Variants in SLC34A2 observed in about 807,000 individuals in gnomAD.
SLC34A2 encodes the protein solute carrier family 34 member 2, also known as sodium-dependent phosphate transport protein 2B.
A neutral mutation model predicts 50.8 loss-of-function variants in SLC34A2; 41 were observed. The ratio of observed to expected loss-of-function variants is 0.81; its 90% CI spans 0.63 to 1.05. The LOEUF is 1.05. SLC34A2 is among the 50% of genes least tolerant of loss of function. SLC34A2 has a pLI of 0.00. For missense variants in SLC34A2, 879 were observed against 876.7 expected, an observed-to-expected ratio of 1.00 and a Z score of -0.03; for synonymous variants, 401 against 364.2, an observed-to-expected ratio of 1.10 and a Z score of -1.15.
At chr4:25,663,276 G>T (rs1401928552) in intron 3 of SLC34A2, among the ~76,000 whole-genome samples, 3 of 152,142 alleles carry the variant, frequency 2.0e-5, no homozygotes, top group Non-Finnish European at 4.4e-5. Flanking sequence ...TTGAGGTAGA[G>T]TCAAAGCATG....
rs183223085 is a variant in SLC34A2, at chr4:25,658,607, C to T, written c.-4+2717C>T. Reference sequence around the variant, plus strand: ...TAAGAGCTCTTTCTGGCAGTGGGTGCCCATGTGGTGCAGGAAGTGGAGCCA... The same window carrying T: ...TAAGAGCTCTTTCTGGCAGTGGGTGTCCATGTGGTGCAGGAAGTGGAGCCA... On this transcript the variant is annotated intron_variant, in intron 1 of 12. Coordinates refer to ENST00000382051, the MANE Select transcript of SLC34A2 (RefSeq NM_006424.3). 5.2e-3 allele frequency among the ~76,000 whole-genome samples: 795 copies of T among 152,292 alleles called. 3 individuals are homozygous for T. The highest frequency in any genetic ancestry group is 0.017 in the Middle Eastern group (5 of 294).
chr4:25,663,784 C>A (rs561699085), intron 3 of SLC34A2, among the ~76,000 whole-genome samples: 1 of 152,296 alleles, frequency 6.6e-6, no homozygotes, highest in Admixed American at 6.5e-5. Flanking sequence ...TGTGCAGCTG[C>A]ATTCTAGAAA....
At position 25,666,210 on chromosome 4, in the gene SLC34A2, C is replaced by G; in HGVS notation, c.462C>G (p.Thr154=). 1.2e-6 allele frequency: 2 copies of G among 1,614,030 alleles called. No individual in the cohort carries two copies. Among genetic ancestry groups the G allele is most frequent in the Non-Finnish European group, 1.7e-6 (2 of 1,180,040 alleles). The change falls in exon 5 of 13, where the codon ACC becomes ACG. Residue 154 remains threonine (T), a synonymous_variant. Coordinates refer to ENST00000382051, the MANE Select transcript of SLC34A2 (RefSeq NM_006424.3). ...GGCTGGTGATCGGGGTGCTGGTGAC[C>G]GTCTTGGTGCAGAGCTCCAGCACCT... The part of the protein sequence containing the change: ...LLGLVIGVLV[T]VLVQSSSTST...
Position 25,676,998 on chromosome 4 carries a change from T to C in SLC34A2, c.*249T>C, listed in dbSNP as rs1715172762. The C allele has an allele frequency of 3.6e-6, 2 of 551,320 alleles. No individual in the cohort carries two copies. Among genetic ancestry groups the C allele is most frequent in the Non-Finnish European group, 3.2e-6 (1 of 309,758 alleles). 34.2% of individuals were successfully genotyped at this position (551,320 alleles called of 1,614,324 possible). ...GGCACAGGATGGTACCTAAAGAGAA[T>C]TAGAGAATGAACCTGGCGGGACGGA... is the stretch of plus-strand genomic sequence containing the variant. On this transcript the variant is annotated 3_prime_UTR_variant, in exon 13 of 13. Coordinates refer to ENST00000382051, the MANE Select transcript of SLC34A2 (RefSeq NM_006424.3).
In SLC34A2 at chr4:25,676,364, T is replaced by C; in HGVS notation, c.1688T>C (p.Val563Ala). The C allele has an allele frequency of 1.9e-6, 3 of 1,614,162 alleles. No individual in the cohort carries two copies. Among genetic ancestry groups the C allele is most frequent in the Non-Finnish European group, 2.5e-6 (3 of 1,180,038 alleles). The change falls in exon 13 of 13, where the codon GTC becomes GCC. Residue 563 changes from valine to alanine, a missense_variant. Physicochemically the swap from Val to Ala is moderately conservative, Grantham distance 64 (BLOSUM62 0). Coordinates refer to ENST00000382051, the MANE Select transcript of SLC34A2 (RefSeq NM_006424.3). ...CTGGTTGGTGTCGGGGTTCCCGTCG[T>C]CTTCATCATCATCCTGGTACTGTGC... ...RVLVGVGVPV[V>A]FIIILVLCLR... is the part of the protein sequence containing the mutation.
chr4:25,669,140 T>C (rs752826035), intron 6 of SLC34A2, among the ~76,000 whole-genome samples: 17 of 152,196 alleles, frequency 1.1e-4, no homozygotes, highest in Non-Finnish European at 2.4e-4. Context: ...AATTTTTTTA[T>C]TGATACAAAA....
intron 12 of SLC34A2, 89 bp from the exon 13 acceptor site, chr4:25,676,046 T>G: frequency 6.4e-7 from 1 of 1,567,346 alleles, no homozygotes; most frequent in Non-Finnish European, 8.6e-7. Flanking sequence ...CTGCCTGTGA[T>G]GCCTGCTAGC....
In SLC34A2 at chr4:25,673,254, G is replaced by A. The variant is rs764129224; in HGVS notation, c.1216G>A (p.Asp406Asn). The change falls in exon 10 of 13, where the codon GAT (aspartate) becomes AAT (asparagine). Residue 406 changes from aspartate to asparagine, a missense_variant and splice_region_variant. By Grantham distance (23) the Asp-to-Asn change is conservative. Coordinates refer to ENST00000382051, the MANE Select transcript of SLC34A2 (RefSeq NM_006424.3). ...ATVIKKTINT[D>N]FPFPFAWLTG... is the part of the protein sequence containing the mutation. ...TGTCATCAAGAAGACCATCAACACT[G>A]GTAGGTACACTGCCCTCACTTGTAG... 4.4e-6 allele frequency: 7 copies of A among 1,608,496 alleles called. No homozygotes were observed. Among genetic ancestry groups the A allele is most frequent in the Middle Eastern group, 1.8e-4 (1 of 5,656 alleles).
chr4:25,676,964 C>T lies in SLC34A2; in HGVS notation c.*215C>T, dbSNP rs1302198127. On this transcript the variant is annotated 3_prime_UTR_variant, in exon 13 of 13. Coordinates refer to ENST00000382051, the MANE Select transcript of SLC34A2 (RefSeq NM_006424.3). ...CCCCTGGTCACTCAGTAATCTTTTA[C>T]TCCAGGAAGGCACAGGATGGTACCT... 6 of 619,600 alleles carry T rather than the reference C, an allele frequency of 9.7e-6. No homozygotes were observed. The highest frequency in any genetic ancestry group is 5.6e-5 in the Admixed American group (2 of 35,820). The allele number at this position is 619,600 out of a possible 1,614,324, so 38.4% of individuals were successfully genotyped here. A position where few individuals can be genotyped will look rare whatever the true frequency, so the allele number is the denominator to read the frequency against.
In SLC34A2 at chr4:25,670,786, A is replaced by G; in HGVS notation, c.880A>G (p.Lys294Glu). 6.2e-7 allele frequency: 1 copy of G among 1,614,154 alleles called. No homozygotes were observed. Among genetic ancestry groups the G allele is most frequent in the African/African-American group, 1.3e-5 (1 of 75,072 alleles). The change falls in exon 8 of 13, where the codon AAA (lysine) becomes GAA (glutamate). Residue 294 changes from lysine (K) to glutamate (E), a missense_variant. Physicochemically the swap from Lys to Glu is moderately conservative, Grantham distance 56 (BLOSUM62 1). Coordinates refer to ENST00000382051, the MANE Select transcript of SLC34A2 (RefSeq NM_006424.3). Reference sequence around the variant, plus strand: ...AATTGCAATGAACGATGAAAAAGCGAAAAACAAGAGTCTTGTCAAGATTTG... The same window carrying G: ...AATTGCAATGAACGATGAAAAAGCGGAAAACAAGAGTCTTGTCAAGATTTG... ...SQIAMNDEKA[K>E]NKSLVKIWCK...
chr4:25,657,873 G>T (rs941646188), intron 1 of SLC34A2, among the ~76,000 whole-genome samples: 4 of 152,310 alleles, frequency 2.6e-5, no homozygotes, highest in Middle Eastern at 3.4e-3. Context: ...GATTATAGGT[G>T]TGAGCCACCA....
At chr4:25,668,461 G>T (rs1714623652) in intron 6 of SLC34A2, among the ~76,000 whole-genome samples, 2 of 152,064 alleles carry the variant, frequency 1.3e-5, no homozygotes, top group African/African-American at 4.8e-5. Context: ...GGCCAACATG[G>T]TGAAACCCCA....
chr4:25,676,271 A>C lies in SLC34A2; in HGVS notation c.1595A>C (p.Tyr532Ser), dbSNP rs758507678. 1.2e-6 allele frequency: 2 copies of C among 1,614,126 alleles called. No individual in the cohort carries two copies. Among genetic ancestry groups the C allele is most frequent in the South Asian group, 2.2e-5 (2 of 91,080 alleles). Residue 532 changes from tyrosine (Y) to serine (S), a missense_variant, in exon 13 of 13, where the codon TAC becomes TCC. Tyr to Ser is a moderately radical substitution (Grantham distance 144). Coordinates refer to ENST00000382051, the MANE Select transcript of SLC34A2 (RefSeq NM_006424.3). ...AAGTATCGCTGGTTCGCCGTCTTCT[A>C]CCTGATCATCTTCTTCTTCCTGATC... ...SAKYRWFAVF[Y>S]LIIFFFLIPL...
At chr4:25,663,025 A>G (rs1382622756) in intron 3 of SLC34A2, among the ~76,000 whole-genome samples, 183 bp downstream of exon 3, 1 of 151,414 alleles carries the variant, frequency 6.6e-6, no homozygotes, top group Non-Finnish European at 1.5e-5. Context: ...CCCAGGCTGG[A>G]GTGCAGTGGT....
At chr4:25,674,232 CCCCAGG>C (rs1433162475) in intron 10 of SLC34A2, 58 bp from the exon 11 acceptor site, 58 of 1,272,454 alleles carry the variant, frequency 4.6e-5, no homozygotes, top group Non-Finnish European at 6.2e-5. Flanking sequence ...CCAGCCCCTA[CCCCAGG>C]CCACCAGGCC....
At chr4:25,663,636 G>T (rs759690925) in intron 3 of SLC34A2, among the ~76,000 whole-genome samples, 2 of 152,108 alleles carry the variant, frequency 1.3e-5, no homozygotes, top group Non-Finnish European at 2.9e-5. Flanking sequence ...GGGTGGGGAG[G>T]AGAGGTAGGA....
Position 25,669,721 on chromosome 4 carries a change from C to G in SLC34A2, c.710C>G (p.Ala237Gly). ...TTGGTGCTCTTGCCCGTGGAGGTGG[C>G]CACCCATTACCTCGAGATCATAACC... ...SVLVLLPVEV[A>G]THYLEIITQL... The change falls in exon 7 of 13, where the codon GCC becomes GGC. Residue 237 changes from alanine (A) to glycine (G), a missense_variant. Ala to Gly is a moderately conservative substitution (Grantham distance 60). Coordinates refer to ENST00000382051, the MANE Select transcript of SLC34A2 (RefSeq NM_006424.3). 1.9e-6 allele frequency: 3 copies of G among 1,614,134 alleles called. No individual in the cohort carries two copies. Among genetic ancestry groups the G allele is most frequent in the Non-Finnish European group, 2.5e-6 (3 of 1,179,998 alleles).
intron 6 of SLC34A2, among the ~76,000 whole-genome samples, chr4:25,668,972 C>T (rs1054546851): frequency 2.1e-5 from 3 of 145,160 alleles, no homozygotes; most frequent in Non-Finnish European, 4.5e-5. Flanking sequence ...TTTTTTAAAT[C>T]TGGAGATAAG....
intron 8 of SLC34A2, among the ~76,000 whole-genome samples, chr4:25,671,302 G>T (rs1325670473): frequency 6.6e-6 from 1 of 152,176 alleles, no homozygotes; most frequent in Non-Finnish European, 1.5e-5. Flanking sequence ...CTGGGTTGTG[G>T]CTTGCCCTTG....
Sources: gnomAD v4.1 joint callset for allele counts (sites outside exome capture counted in the v4.1 genomes callset) on GRCh38, gnomAD v4.1.1 for gene constraint, MANE v1.5 for transcripts, NCBI Gene and HGNC (gene_info 2026-07-23, HGNC 2026-07-21) for gene names.